The following TAFA1 variants were observed in gnomAD, a reference collection of about 807,000 sequenced individuals.
TAFA1 encodes TAFA chemokine like family member 1, also known as chemokine-like protein TAFA-1.
A neutral mutation model predicts 18.5 loss-of-function variants in TAFA1; 4 were observed. The observed-to-expected ratio is 0.22, with a 90% CI of 0.11 to 0.49. The LOEUF is 0.49. TAFA1 is among the 20% of genes least tolerant of loss of function. TAFA1 has a pLI of 0.98. For synonymous variants in TAFA1, 56 were observed against 55.2 expected (o/e 1.01, Z -0.06); for missense variants, 147 against 169.0 (o/e 0.87, Z 0.72).
intron 3 of TAFA1, among the ~76,000 whole-genome samples, chr3:68,447,567 C>G (rs1305285135): frequency 6.6e-6 from 1 of 152,158 alleles, no homozygotes; most frequent in African/African-American, 2.4e-5. Context: ...CATTAACAAG[C>G]CAAAGGTTTA....
chr3:68,180,778 G>A (rs770302826), intron 2 of TAFA1, among the ~76,000 whole-genome samples: 4 of 152,058 alleles, frequency 2.6e-5, no homozygotes, highest in Admixed American at 6.5e-5. Context: ...CTTCTAATAC[G>A]ACCCCTGATG....
intron 2 of TAFA1, among the ~76,000 whole-genome samples, chr3:68,386,050 A>G (rs1295830649): frequency 6.6e-6 from 1 of 152,156 alleles, no homozygotes. Context: ...CAGAGTTCAC[A>G]TGGTCCCCCG....
intron 4 of TAFA1, among the ~76,000 whole-genome samples, chr3:68,544,058 A>G (rs1365686557): frequency 6.6e-6 from 1 of 152,100 alleles, no homozygotes; most frequent in African/African-American, 2.4e-5. Flanking sequence ...GAGTGATTAC[A>G]TAACATGCAA....
chr3:68,417,568 T>G, intron 3 of TAFA1, 148 bp downstream of exon 3: 1 of 724,354 alleles, frequency 1.4e-6, no homozygotes, highest in South Asian at 2.1e-5. Flanking sequence ...CTCAGCAGAG[T>G]TTGAATTCTT....
chr3:68,445,320 GCA>G (rs2071456327), intron 3 of TAFA1, among the ~76,000 whole-genome samples: 2 of 152,136 alleles, frequency 1.3e-5, no homozygotes, highest in South Asian at 2.1e-4. Flanking sequence ...CCTTCTGATT[GCA>G]CAGTGTTTGA....
intron 2 of TAFA1, among the ~76,000 whole-genome samples, chr3:68,179,424 A>G (rs1261385850): frequency 5.3e-5 from 8 of 152,184 alleles, no homozygotes; most frequent in Non-Finnish European, 1.0e-4. Context: ...AATTTGGATC[A>G]TGTTGTTCCT....
At chr3:68,363,408 G>T (rs2069506890) in intron 2 of TAFA1, among the ~76,000 whole-genome samples, 1 of 152,072 alleles carries the variant, frequency 6.6e-6, no homozygotes, top group South Asian at 2.1e-4. Context: ...TTTAGTCTTT[G>T]GAGCAAATCT....
chr3:68,059,974 G>A (rs56002983), intron 2 of TAFA1, among the ~76,000 whole-genome samples: 8,292 of 152,058 alleles, frequency 0.055, 317 homozygotes, highest in Non-Finnish European at 0.086. Context: ...GGCTAGAGGA[G>A]CCAGCTAAGC....
At chr3:68,176,715 T>C (rs1235262631) in intron 2 of TAFA1, among the ~76,000 whole-genome samples, 1 of 152,226 alleles carries the variant, frequency 6.6e-6, no homozygotes, top group Non-Finnish European at 1.5e-5. Context: ...GTTTAGACAA[T>C]GCCCCTCCTG....
At chr3:68,109,183 GA>G (rs1040057091) in intron 2 of TAFA1, among the ~76,000 whole-genome samples, 23 of 151,342 alleles carry the variant, frequency 1.5e-4, no homozygotes, top group East Asian at 7.8e-4. Flanking sequence ...GAGTTGAAAA[GA>G]AAAAAAAGGT....
At chr3:68,288,242 G>C (rs749589452) in intron 2 of TAFA1, among the ~76,000 whole-genome samples, 1 of 152,190 alleles carries the variant, frequency 6.6e-6, no homozygotes, top group Non-Finnish European at 1.5e-5. Flanking sequence ...GTGCAAAACA[G>C]AGCCGGGTTC....
chr3:68,094,337 C>A (rs916710904), intron 2 of TAFA1, among the ~76,000 whole-genome samples: 1 of 152,042 alleles, frequency 6.6e-6, no homozygotes, highest in Non-Finnish European at 1.5e-5. Context: ...GACTTTGTTA[C>A]TTACTGTCTC....
chr3:68,180,553 T>C (rs2066185843), intron 2 of TAFA1, among the ~76,000 whole-genome samples: 1 of 152,170 alleles, frequency 6.6e-6, no homozygotes, highest in Admixed American at 6.5e-5. Context: ...ATGGTTTCTT[T>C]TGAAAAATGA....
At chr3:68,451,803 G>A (rs1282297318) in intron 3 of TAFA1, among the ~76,000 whole-genome samples, 1 of 152,182 alleles carries the variant, frequency 6.6e-6, no homozygotes, top group African/African-American at 2.4e-5. Context: ...GGGGAGAGGT[G>A]GTGATATGAA....
chr3:68,382,163 C>T (rs1323560433), intron 2 of TAFA1, among the ~76,000 whole-genome samples: 2 of 152,260 alleles, frequency 1.3e-5, no homozygotes, highest in Non-Finnish European at 2.9e-5. Context: ...TTTTGATGTG[C>T]TGCTGGATTC....
intron 2 of TAFA1, among the ~76,000 whole-genome samples, chr3:68,174,071 T>C (rs915281882): frequency 9.2e-5 from 14 of 152,140 alleles, no homozygotes; most frequent in Non-Finnish European, 2.1e-4. Flanking sequence ...GGACTAGCAG[T>C]TTGTGAGAAA....
chr3:68,166,657 C>G (rs2065984789), intron 2 of TAFA1, among the ~76,000 whole-genome samples: 2 of 152,190 alleles, frequency 1.3e-5, no homozygotes, highest in Admixed American at 1.3e-4. Flanking sequence ...GCCTGCCACA[C>G]TCCTCCCTTG....
At chr3:68,460,310 C>T (rs1329757645) in intron 3 of TAFA1, among the ~76,000 whole-genome samples, 1 of 152,136 alleles carries the variant, frequency 6.6e-6, no homozygotes, top group Admixed American at 6.6e-5. Flanking sequence ...CAGGTCCTCT[C>T]GTCTTACCTC....
intron 2 of TAFA1, among the ~76,000 whole-genome samples, chr3:68,108,291 A>G (rs2065225715): frequency 6.6e-6 from 1 of 152,112 alleles, no homozygotes; most frequent in South Asian, 2.1e-4. Flanking sequence ...GTTGAACTGA[A>G]TTGTATTAAA....
Sources: allele counts gnomAD v4.1 joint callset (sites outside exome capture counted in the v4.1 genomes callset), GRCh38; gene constraint gnomAD v4.1.1; transcripts MANE v1.5; gene names NCBI Gene and HGNC (gene_info 2026-07-23, HGNC 2026-07-21).